The following CRB3 variants were observed in gnomAD, a reference collection of about 807,000 sequenced individuals.
CRB3 encodes the protein protein crumbs homolog 3.
CRB3 carries 4 observed loss-of-function variants against 10.4 expected under a neutral mutation model. That is an observed-to-expected ratio of 0.39 (90% CI 0.19 to 0.88). The LOEUF is 0.88. CRB3 is among the 40% of genes least tolerant of loss of function. The pLI is 0.39. For missense variants in CRB3, 154 were observed against 160.2 expected (o/e 0.96, Z 0.21); for synonymous variants, 74 against 73.4 (o/e 1.01, Z -0.04).
rs924382131 is a variant in CRB3 at position 6,466,065 on chromosome 19, T to A, written c.157-401T>A. On this transcript the variant is annotated intron_variant, in intron 3 of 3. Transcript: ENST00000600229. This position sits in a 1 kb window ranked among gnomAD's most constrained non-coding sequence, Gnocchi z 4.9. ...AATACAAAAAATTAGCCAGGCGGGG[T>A]GGCACACACCTGTAATCCCAGCTAC... Among the ~76,000 whole-genome samples the A allele has an allele frequency of 2.6e-5, 4 of 151,546 alleles. No individual in the cohort carries two copies. Among genetic ancestry groups the A allele is most frequent in the African/African-American group, 9.7e-5 (4 of 41,176 alleles).
In CRB3 at chr19:6,466,661, C is replaced by T. The variant is rs1366756479; in HGVS notation, c.352C>T (p.Arg118Trp). The change falls in exon 4 of 4, where the codon CGG (arginine) becomes TGG (tryptophan). Residue 118 changes from arginine to tryptophan, a missense_variant. Coordinates refer to ENST00000600229, the MANE Select transcript of CRB3 (RefSeq NM_139161.5). This position sits in a 1 kb window ranked among gnomAD's most constrained non-coding sequence, Gnocchi z 4.9. ...TPNLKLPPEE[R>W]LI ...CAACCTCAAGTTGCCGCCGGAAGAG[C>T]GGCTCATCTGAACGCTGGGGCCTGC... 5.6e-6 allele frequency: 9 copies of T among 1,600,486 alleles called. No individual in the cohort carries two copies. Among genetic ancestry groups the T allele is most frequent in the Non-Finnish European group, 6.8e-6 (8 of 1,179,686 alleles).
chr19:6,466,640 C>T lies in CRB3; in HGVS notation c.331C>T (p.Leu111Phe). The change falls in exon 4 of 4, where the codon CTC (leucine) becomes TTC (phenylalanine). Residue 111 changes from leucine to phenylalanine, a missense_variant. Coordinates refer to ENST00000600229, the MANE Select transcript of CRB3 (RefSeq NM_139161.5). This position sits in a 1 kb window ranked among gnomAD's most constrained non-coding sequence, Gnocchi z 4.9. ...TGCCCGCGTGCCACCGACCCCCAAC[C>T]TCAAGTTGCCGCCGGAAGAGCGGCT... The part of the protein sequence containing the change: ...VGARVPPTPN[L>F]KLPPEERLI The T allele has an allele frequency of 6.2e-7, 1 of 1,602,868 alleles. No individual in the cohort carries two copies. The highest frequency in any genetic ancestry group is 1.1e-5 in the South Asian group (1 of 91,032).
rs2092798987 is a variant in CRB3, at chr19:6,467,033, C to T, written c.*361C>T. On this transcript the variant is annotated 3_prime_UTR_variant, in exon 4 of 4. Coordinates refer to ENST00000600229, the MANE Select transcript of CRB3 (RefSeq NM_139161.5). ...TGCCTGCCCATCTAGGTCCCCTCTC[C>T]TGCATCTGTCTCCCTTCATTGCTGT... 1 of 1,611,930 alleles carries T rather than the reference C, an allele frequency of 6.2e-7. No individual in the cohort carries two copies. The highest frequency in any genetic ancestry group is 1.7e-5 in the Admixed American group (1 of 59,932).
chr19:6,467,059 G>A lies in CRB3; in HGVS notation c.*387G>A, dbSNP rs755243537. 6.3e-7 allele frequency: 1 copy of A among 1,591,588 alleles called. No homozygotes were observed. Among genetic ancestry groups the A allele is most frequent in the Non-Finnish European group, 8.6e-7 (1 of 1,160,764 alleles). On this transcript the variant is annotated 3_prime_UTR_variant, in exon 4 of 4. Transcript: ENST00000600229. ...TGCATCTGTCTCCCTTCATTGCTGTGTGACCTTGGGGAAAGGCAGTGCCCT... is the reference window on the plus strand; with the variant it reads ...TGCATCTGTCTCCCTTCATTGCTGTATGACCTTGGGGAAAGGCAGTGCCCT...
chr19:6,466,866 G>C lies in CRB3; in HGVS notation c.*194G>C. On this transcript the variant is annotated 3_prime_UTR_variant, in exon 4 of 4. Transcript: ENST00000600229. The surrounding 1 kb of genome is among the most constrained non-coding windows in gnomAD (Gnocchi z 4.9). Reference sequence around the variant, plus strand: ...CTGTGCCTGCAGCTCAGGGTGCTGGGGCTCGGGACCCACCCCCCTGCTTGC... The same window carrying C: ...CTGTGCCTGCAGCTCAGGGTGCTGGCGCTCGGGACCCACCCCCCTGCTTGC... 3 of 1,573,700 alleles carry C rather than the reference G, an allele frequency of 1.9e-6. No homozygotes were observed. The highest frequency in any genetic ancestry group is 2.6e-6 in the Non-Finnish European group (3 of 1,157,654).
rs754205824 is a variant in CRB3 at position 6,464,808 on chromosome 19, G to C, written c.82+25G>C. On this transcript the variant is annotated intron_variant, in intron 2 of 3. Coordinates refer to ENST00000600229, the MANE Select transcript of CRB3 (RefSeq NM_139161.5). The surrounding 1 kb of genome is among the most constrained non-coding windows in gnomAD (Gnocchi z 5.3). Reference sequence around the variant, plus strand: ...AGTAGGTACCAGCTGAGAGCGCTGGGGGGGAGGGGTCTGGATTCCTGGATC... The same window carrying C: ...AGTAGGTACCAGCTGAGAGCGCTGGCGGGGAGGGGTCTGGATTCCTGGATC... 164 of 1,229,688 alleles carry C rather than the reference G, an allele frequency of 1.3e-4. 1 individual carries two copies. The highest frequency in any genetic ancestry group is 1.6e-4 in the Admixed American group (4 of 25,352). 76.2% of individuals were successfully genotyped at this position (1,229,688 alleles called of 1,614,324 possible).
rs540311660 is a variant in CRB3, at chr19:6,466,880, C to T, written c.*208C>T. ...CAGGGTGCTGGGGCTCGGGACCCACCCCCCTGCTTGCGGAACCAACTTTTC... is the reference window on the plus strand; with the variant it reads ...CAGGGTGCTGGGGCTCGGGACCCACTCCCCTGCTTGCGGAACCAACTTTTC... On this transcript the variant is annotated 3_prime_UTR_variant, in exon 4 of 4. Coordinates refer to ENST00000600229, the MANE Select transcript of CRB3 (RefSeq NM_139161.5). The surrounding 1 kb of genome is among the most constrained non-coding windows in gnomAD (Gnocchi z 4.9). 3.3e-5 allele frequency: 52 copies of T among 1,583,414 alleles called. No individual in the cohort carries two copies. The highest frequency in any genetic ancestry group is 4.2e-5 in the Non-Finnish European group (49 of 1,162,512).
chr19:6,465,437 G>A, intron 2 of CRB3, 108 bp from the exon 3 acceptor site: 1 of 867,794 alleles, frequency 1.2e-6, no homozygotes, highest in Non-Finnish European at 2.0e-6. Context: ...AGTTTGAATT[G>A]GGACCTGCTA....
At chr19:6,465,940 C>T (rs910450679) in intron 3 of CRB3, among the ~76,000 whole-genome samples, 4 of 152,060 alleles carry the variant, frequency 2.6e-5, no homozygotes, top group Non-Finnish European at 5.9e-5. Flanking sequence ...GTGGCTCACG[C>T]CTGTAATCCT....
intron 2 of CRB3, chr19:6,465,187 A>C: frequency 3.3e-6 from 1 of 303,796 alleles, no homozygotes; most frequent in South Asian, 8.4e-5. Flanking sequence ...CCAGCCATTC[A>C]GTCTTAGATT....
chr19:6,466,822 G>T lies in CRB3; in HGVS notation c.*150G>T. 1 of 1,557,258 alleles carries T rather than the reference G, an allele frequency of 6.4e-7. No homozygotes were observed. The highest frequency in any genetic ancestry group is 2.3e-5 in the East Asian group (1 of 44,376). ...GCACCCATGTGGTGGGCTCTGTGCA[G>T]CATGTTGCCTCTGCTTGGCTGTGCC... On this transcript the variant is annotated 3_prime_UTR_variant, in exon 4 of 4. Coordinates refer to ENST00000600229, the MANE Select transcript of CRB3 (RefSeq NM_139161.5). The surrounding 1 kb of genome is among the most constrained non-coding windows in gnomAD (Gnocchi z 4.9).
chr19:6,464,808 G>A lies in CRB3; in HGVS notation c.82+25G>A, dbSNP rs754205824. On this transcript the variant is annotated intron_variant, in intron 2 of 3. Transcript: ENST00000600229. This position sits in a 1 kb window ranked among gnomAD's most constrained non-coding sequence, Gnocchi z 5.3. ...AGTAGGTACCAGCTGAGAGCGCTGG[G>A]GGGGAGGGGTCTGGATTCCTGGATC... 4.1e-5 allele frequency: 51 copies of A among 1,229,692 alleles called. No individual in the cohort carries two copies. Among genetic ancestry groups the A allele is most frequent in the South Asian group, 3.2e-4 (8 of 25,348 alleles). The allele number at this position is 1,229,692 out of a possible 1,614,324, so 76.2% of individuals were successfully genotyped here.
Position 6,466,328 on chromosome 19 carries a change from T to C in CRB3, c.157-138T>C. On this transcript the variant is annotated intron_variant, in intron 3 of 3. Coordinates refer to ENST00000600229, the MANE Select transcript of CRB3 (RefSeq NM_139161.5). The surrounding 1 kb of genome is among the most constrained non-coding windows in gnomAD (Gnocchi z 4.9). ...GATCCAGGAAGCCCCACTGTGGGGA[T>C]CAGATCACCAAAAGTGGCAGATGTG... is the stretch of plus-strand genomic sequence containing the variant. 1.3e-6 allele frequency: 1 copy of C among 776,664 alleles called. No individual in the cohort carries two copies. Among genetic ancestry groups the C allele is most frequent in the Non-Finnish European group, 2.2e-6 (1 of 458,540 alleles). The allele number at this position is 776,664 out of a possible 1,614,324, so 48.1% of individuals were successfully genotyped here.
At position 6,466,769 on chromosome 19, in the gene CRB3, C is replaced by A; in HGVS notation, c.*97C>A. ...ACCGAGACACCAGCCTCTGATGGCT[C>A]AGGAGGACTTGTGGGGAGAGGCTGG... On this transcript the variant is annotated 3_prime_UTR_variant, in exon 4 of 4. Coordinates refer to ENST00000600229, the MANE Select transcript of CRB3 (RefSeq NM_139161.5). The surrounding 1 kb of genome is among the most constrained non-coding windows in gnomAD (Gnocchi z 4.9). The A allele has an allele frequency of 6.4e-7, 1 of 1,551,798 alleles. No individual in the cohort carries two copies. Among genetic ancestry groups the A allele is most frequent in the Non-Finnish European group, 8.7e-7 (1 of 1,152,184 alleles).
At position 6,464,453 on chromosome 19, in the gene CRB3, G is replaced by A. The variant is rs1305427970; in HGVS notation, c.-95+103G>A. On this transcript the variant is annotated intron_variant, in intron 1 of 3. Transcript: ENST00000600229. The surrounding 1 kb of genome is among the most constrained non-coding windows in gnomAD (Gnocchi z 5.3). The stretch of plus-strand genomic sequence containing the variant: ...CCCTTCCTTTCCCCAGCCCAGGAAC[G>A]CGCTCCTGGGAGTTAATCTTTAATC... The A allele has an allele frequency of 2.4e-5, 9 of 368,684 alleles. No homozygotes were observed. In the East Asian group the frequency reaches 3.5e-4, roughly 14 times the overall value. The allele number at this position is 368,684 out of a possible 1,614,324, so 22.8% of individuals were successfully genotyped here.
chr19:6,466,621 C>T lies in CRB3; in HGVS notation c.312C>T (p.Arg104=), dbSNP rs778402247. The T allele has an allele frequency of 1.5e-5, 24 of 1,604,352 alleles. No homozygotes were observed. The highest frequency in any genetic ancestry group is 3.5e-4 in the Middle Eastern group (2 of 5,680). Residue 104 remains arginine, a synonymous_variant, in exon 4 of 4, where the codon CGC becomes CGT. Coordinates refer to ENST00000600229, the MANE Select transcript of CRB3 (RefSeq NM_139161.5). This position sits in a 1 kb window ranked among gnomAD's most constrained non-coding sequence, Gnocchi z 4.9. ...RPSSEEQVGA[R]VPPTPNLKLP... ...GTAGCGAGGAGCAGGTGGGTGCCCG[C>T]GTGCCACCGACCCCCAACCTCAAGT...
Position 6,466,821 on chromosome 19 carries a change from A to G in CRB3, c.*149A>G. ...GGCACCCATGTGGTGGGCTCTGTGCAGCATGTTGCCTCTGCTTGGCTGTGC... is the reference window on the plus strand; with the variant it reads ...GGCACCCATGTGGTGGGCTCTGTGCGGCATGTTGCCTCTGCTTGGCTGTGC... On this transcript the variant is annotated 3_prime_UTR_variant, in exon 4 of 4. Transcript: ENST00000600229. The surrounding 1 kb of genome is among the most constrained non-coding windows in gnomAD (Gnocchi z 4.9). 8.3e-6 allele frequency: 13 copies of G among 1,557,558 alleles called. No individual in the cohort carries two copies. Among genetic ancestry groups the G allele is most frequent in the Non-Finnish European group, 1.1e-5 (13 of 1,150,838 alleles).
Position 6,466,532 on chromosome 19 carries a change from G to A in CRB3, c.223G>A (p.Gly75Arg), listed in dbSNP as rs2092795333. The A allele has an allele frequency of 6.2e-7, 1 of 1,613,420 alleles. No individual in the cohort carries two copies. Among genetic ancestry groups the A allele is most frequent in the South Asian group, 1.1e-5 (1 of 91,092 alleles). ...CTTGGCTGCCTTGCTCCTGGCTGTGGGGCTGGCACTGTTGGTGCGGAAGCT... is the reference window on the plus strand; with the variant it reads ...CTTGGCTGCCTTGCTCCTGGCTGTGAGGCTGGCACTGTTGGTGCGGAAGCT... ...SLLAALLLAV[G>R]LALLVRKLRE... is the part of the protein sequence containing the mutation. Residue 75 changes from glycine to arginine, a missense_variant, in exon 4 of 4, where the codon GGG (glycine) becomes AGG (arginine). Gly to Arg is a moderately radical substitution (Grantham distance 125). Coordinates refer to ENST00000600229, the MANE Select transcript of CRB3 (RefSeq NM_139161.5). The surrounding 1 kb of genome is among the most constrained non-coding windows in gnomAD (Gnocchi z 4.9).
Position 6,466,116 on chromosome 19 carries a change from G to T in CRB3, c.157-350G>T, listed in dbSNP as rs879261212. Among the ~76,000 whole-genome samples, 6 of 152,018 alleles carry T rather than the reference G, an allele frequency of 3.9e-5. No homozygotes were observed. The highest frequency in any genetic ancestry group is 1.3e-4 in the Admixed American group (2 of 15,250). Reference sequence around the variant, plus strand: ...TTGGGAGGCTGAGGCAGGGGGAATTGCTTGAGCCCAGAAGGCGGAGGTTGC... The same window carrying T: ...TTGGGAGGCTGAGGCAGGGGGAATTTCTTGAGCCCAGAAGGCGGAGGTTGC... On this transcript the variant is annotated intron_variant, in intron 3 of 3. Transcript: ENST00000600229. The surrounding 1 kb of genome is among the most constrained non-coding windows in gnomAD (Gnocchi z 4.9).
Sources: allele counts gnomAD v4.1 joint callset (sites outside exome capture counted in the v4.1 genomes callset), GRCh38; gene constraint gnomAD v4.1.1; non-coding constraint Gnocchi (gnomAD v3.1); transcripts MANE v1.5; gene names NCBI Gene and HGNC (gene_info 2026-07-23, HGNC 2026-07-21).